Variants in GOLGA4 observed in about 807,000 individuals in gnomAD.
GOLGA4 encodes the protein golgin subfamily A member 4.
In GOLGA4, 169 loss-of-function variants were observed where a neutral mutation model predicts 265.9. That is an observed-to-expected ratio of 0.64 (90% confidence interval 0.56 to 0.72). The LOEUF (loss-of-function observed/expected upper bound fraction) is 0.72, where lower values mean the gene tolerates loss of function less well. Ranked by LOEUF, GOLGA4 falls within the 30% of genes least tolerant of loss-of-function variation. GOLGA4 has a pLI of 0.00. For missense variants in GOLGA4, 2,482 were observed against 2,483.4 expected (o/e 1.00, Z 0.01); for synonymous variants, 923 against 855.8 (o/e 1.08, Z -1.37).
chr3:37,352,796 G>C (rs2097078732), intron 21 of GOLGA4, among the ~76,000 whole-genome samples: 1 of 152,012 alleles, frequency 6.6e-6, no homozygotes, highest in South Asian at 2.1e-4. Flanking sequence ...TCTGATTCGT[G>C]TGTTCACTGA....
intron 4 of GOLGA4, 125 bp from the exon 5 acceptor site, chr3:37,289,110 A>G (rs2096858136): frequency 5.0e-6 from 3 of 594,854 alleles, no homozygotes; most frequent in East Asian, 2.8e-5. Flanking sequence ...CTTGTCCTCT[A>G]TCTTCAGGTT....
Position 37,298,898 on chromosome 3 carries a change from C to T in GOLGA4, c.880C>T (p.Leu294=). Reference sequence around the variant, plus strand: ...GCAAAGAGTGAAGCGTCAAGAGAACCTACTTAAGCGTTGTAAGGAAACAAT... The same window carrying T: ...GCAAAGAGTGAAGCGTCAAGAGAACTTACTTAAGCGTTGTAAGGAAACAAT... ...LQQRVKRQEN[L]LKRCKETIQS... is the part of the protein sequence containing the mutation. The change falls in exon 8 of 24, where the codon CTA becomes TTA. Residue 294 remains leucine, a synonymous_variant. Transcript: ENST00000361924. 1 of 1,613,510 alleles carries T rather than the reference C, an allele frequency of 6.2e-7. No homozygotes were observed. Among genetic ancestry groups the T allele is most frequent in the Non-Finnish European group, 8.5e-7 (1 of 1,179,604 alleles).
In GOLGA4 at chr3:37,302,254, C is replaced by G. The variant is rs147329637; in HGVS notation, c.1156C>G (p.Gln386Glu). ...TLEMKEEEIA[Q>E]LRSRIKQMTT... ...GGAAATGAAAGAAGAAGAAATTGCT[C>G]AACTCCGTAGTCGCATCAAACAGAT... The change falls in exon 10 of 24, where the codon CAA becomes GAA. Residue 386 changes from glutamine to glutamate, a missense_variant. By Grantham distance (29) the Gln-to-Glu change is conservative. Coordinates refer to ENST00000361924, the MANE Select transcript of GOLGA4 (RefSeq NM_002078.5). The G allele has an allele frequency of 1.2e-5, 19 of 1,612,658 alleles. No homozygotes were observed. Among genetic ancestry groups the G allele is most frequent in the African/African-American group, 2.7e-5 (2 of 74,880 alleles).
At chr3:37,245,813 CCCGGCCT>C (rs1237739821) in intron 1 of GOLGA4, among the ~76,000 whole-genome samples, 1 of 152,006 alleles carries the variant, frequency 6.6e-6, no homozygotes, top group African/African-American at 2.4e-5. Context: ...ATCCGCCAGC[CCCGGCCT>C]CCCAAAATGC....
At chr3:37,296,011 C>A (rs1021924039) in intron 6 of GOLGA4, 76 bp from the exon 7 acceptor site, 3 of 1,326,886 alleles carry the variant, frequency 2.3e-6, no homozygotes, top group Non-Finnish European at 3.2e-6. Context: ...ACCAATCCCC[C>A]ACAGATACCA....
chr3:37,315,594 T>G lies in GOLGA4; in HGVS notation c.1409T>G (p.Met470Arg). The G allele has an allele frequency of 6.2e-7, 1 of 1,611,194 alleles. No individual in the cohort carries two copies. Among genetic ancestry groups the G allele is most frequent in the East Asian group, 2.2e-5 (1 of 44,850 alleles). ...SRVKQEVVDV[M>R]KKSSEEQIAK... ...GTGAAACAGGAGGTTGTTGATGTAA[T>G]GAAAGTAAGAATAATTCTGTAATGA... The change falls in exon 11 of 24, where the codon ATG becomes AGG. Residue 470 changes from methionine to arginine, a missense_variant. Physicochemically the swap from Met to Arg is moderately conservative, Grantham distance 91. This residue lies in a region of GOLGA4 where 1,536 missense variants were observed against 1,483.7 expected (regional missense o/e 1.04). Coordinates refer to ENST00000361924, the MANE Select transcript of GOLGA4 (RefSeq NM_002078.5).
chr3:37,334,718 C>T (rs887250651), intron 16 of GOLGA4, among the ~76,000 whole-genome samples: 2 of 152,022 alleles, frequency 1.3e-5, no homozygotes, highest in African/African-American at 2.4e-5. Context: ...GTTGCTTAAA[C>T]CTGGGAACCC....
intron 2 of GOLGA4, among the ~76,000 whole-genome samples, chr3:37,266,060 T>C: frequency 6.6e-6 from 1 of 151,670 alleles, no homozygotes; most frequent in Non-Finnish European, 1.5e-5. Flanking sequence ...TTTAACGTTA[T>C]AATACGGTAT....
At chr3:37,313,067 G>A (rs1183425697) in intron 10 of GOLGA4, among the ~76,000 whole-genome samples, 1 of 152,112 alleles carries the variant, frequency 6.6e-6, no homozygotes, top group Non-Finnish European at 1.5e-5. Context: ...GCCCGGTCTG[G>A]TGGCGGGCAC....
rs13322426 is a variant in GOLGA4, at chr3:37,339,149, A to G, written c.6397-975A>G. 3.2e-3 allele frequency among the ~76,000 whole-genome samples: 493 copies of G among 152,258 alleles called. 5 individuals are homozygous for G. Among genetic ancestry groups the G allele is most frequent in the African/African-American group, 0.012 (478 of 41,554 alleles). ...AGTGCTGGGATTACAGGCATGAGCC[A>G]CCGTGCCCGGCCTGTGTCGGGCTTT... On this transcript the variant is annotated intron_variant, in intron 19 of 23. Transcript: ENST00000361924.
intron 10 of GOLGA4, among the ~76,000 whole-genome samples, chr3:37,308,773 G>A (rs1022227293): frequency 4.0e-5 from 6 of 151,626 alleles, no homozygotes; most frequent in African/African-American, 1.2e-4. Context: ...GTGCCACTAC[G>A]CCCAGCTAAT....
intron 2 of GOLGA4, among the ~76,000 whole-genome samples, chr3:37,279,317 C>T (rs1328776693): frequency 2.6e-5 from 4 of 152,172 alleles, no homozygotes; most frequent in South Asian, 4.1e-4. Context: ...CACCTCACCT[C>T]GTGATGAGTT....
intron 2 of GOLGA4, among the ~76,000 whole-genome samples, chr3:37,252,661 CTTT>C (rs2096737236): frequency 6.8e-6 from 1 of 147,902 alleles, no homozygotes; most frequent in African/African-American, 2.7e-5. Context: ...GGAAAACAGT[CTTT>C]TTCATTTCAG....
In GOLGA4 at chr3:37,366,093, C is replaced by G; in HGVS notation, c.*47C>G. The stretch of plus-strand genomic sequence containing the variant: ...TTTCTTTTCCAGTCATGGCTCCGAT[C>G]TTCATCTTGAAGAAGAGTGACATTG... On this transcript the variant is annotated 3_prime_UTR_variant, in exon 24 of 24. Coordinates refer to ENST00000361924, the MANE Select transcript of GOLGA4 (RefSeq NM_002078.5). 6.5e-7 allele frequency: 1 copy of G among 1,529,874 alleles called. No individual in the cohort carries two copies. Among genetic ancestry groups the G allele is most frequent in the South Asian group, 1.2e-5 (1 of 83,012 alleles). The allele number at this position is 1,529,874 out of a possible 1,614,324, so 94.8% of individuals were successfully genotyped here.
At chr3:37,313,329 C>T (rs2150920146) in intron 10 of GOLGA4, 1 of 152,304 alleles carries the variant, frequency 6.6e-6, no homozygotes, top group Admixed American at 6.5e-5. Flanking sequence ...TAATAAAATG[C>T]TTTAGAATAG....
At chr3:37,316,565 ACTATAT>A (rs1559418443) in intron 11 of GOLGA4, among the ~76,000 whole-genome samples, 47 of 152,186 alleles carry the variant, frequency 3.1e-4, no homozygotes, top group Non-Finnish European at 7.4e-5. Context: ...TAACTGCCTG[ACTATAT>A]TTTAAGTTTT....
intron 14 of GOLGA4, 130 bp from the exon 15 acceptor site, chr3:37,328,286 T>C: frequency 2.7e-6 from 2 of 731,714 alleles, no homozygotes; most frequent in Non-Finnish European, 4.6e-6. Context: ...TCACACTCTC[T>C]CTCTCTCTCT....
intron 22 of GOLGA4, among the ~76,000 whole-genome samples, chr3:37,356,803 GTTATC>G (rs1434505121): frequency 6.6e-6 from 1 of 152,072 alleles, no homozygotes; most frequent in Non-Finnish European, 1.5e-5. Context: ...CTTTTATTTA[GTTATC>G]TTTATTCATT....
chr3:37,356,697 A>G (rs73825091), intron 22 of GOLGA4, among the ~76,000 whole-genome samples: 8,132 of 152,220 alleles, frequency 0.053, 302 homozygotes, highest in African/African-American at 0.11. Flanking sequence ...AAATATCTTT[A>G]TGAAGATAAA....
Sources: allele counts gnomAD v4.1 joint callset (sites outside exome capture counted in the v4.1 genomes callset), GRCh38; gene constraint gnomAD v4.1.1; regional missense constraint gnomAD v4.1.1; transcripts MANE v1.5; gene names NCBI Gene and HGNC (gene_info 2026-07-23, HGNC 2026-07-21).